VPS13C: variants seen among roughly 807,000 people sequenced by gnomAD.
VPS13C encodes the protein intermembrane lipid transfer protein VPS13C.
In VPS13C, 358 loss-of-function variants were observed where a neutral mutation model predicts 456.8. That is an observed-to-expected ratio of 0.78 (90% CI 0.72 to 0.86). The LOEUF is 0.86. Among genes scored for constraint, VPS13C ranks in the 40% least tolerant of loss-of-function variants. The probability of loss-of-function intolerance (pLI) is 0.00; values close to 1 mark genes in which losing one functional copy is unlikely to be tolerated. For missense variants in VPS13C, 4,818 were observed against 4,385.4 expected (o/e 1.10, Z -2.79); for synonymous variants, 1,578 against 1,486.7 (o/e 1.06, Z -1.41).
At chr15:61,986,731 A>T (rs1462551796) in intron 18 of VPS13C, among the ~76,000 whole-genome samples, 2 of 152,146 alleles carry the variant, frequency 1.3e-5, no homozygotes, top group African/African-American at 4.8e-5. Flanking sequence ...TCTTAAAAAT[A>T]GAAAAATGAG....
chr15:61,924,818 C>CA (rs1255258392), intron 53 of VPS13C, among the ~76,000 whole-genome samples: 4 of 151,914 alleles, frequency 2.6e-5, no homozygotes, highest in Non-Finnish European at 5.9e-5. Flanking sequence ...ACCAATTAAC[C>CA]AAAAAAGGAC....
At position 61,961,702 on chromosome 15, in the gene VPS13C, A is replaced by T. The variant is rs1339216069; in HGVS notation, c.3795T>A (p.Asp1265Glu). The T allele has an allele frequency of 6.2e-7, 1 of 1,613,948 alleles. No homozygotes were observed. The highest frequency in any genetic ancestry group is 1.1e-5 in the South Asian group (1 of 91,070). ...SSISTNAVVVDLGLIRVHNQF... is the reference protein window; with the variant it reads ...SSISTNAVVVELGLIRVHNQF... ...GATTATGAACTCTGATTAACCCAAG[A>T]TCTACCACTACTGCATTGGTGGAAA... Residue 1265 changes from aspartate (D) to glutamate (E), a missense_variant, in exon 35 of 85, where the codon GAT (aspartate) becomes GAA (glutamate). Coordinates refer to ENST00000644861, the MANE Select transcript of VPS13C (RefSeq NM_020821.3).
At chr15:61,982,082 T>C (rs1682891698) in intron 21 of VPS13C, among the ~76,000 whole-genome samples, 1 of 152,188 alleles carries the variant, frequency 6.6e-6, no homozygotes, top group Non-Finnish European at 1.5e-5. Context: ...AGGAACTGGA[T>C]AAAATAGTTG....
At chr15:61,949,902 A>G (rs2044729358) in intron 41 of VPS13C, among the ~76,000 whole-genome samples, 1 of 152,214 alleles carries the variant, frequency 6.6e-6, no homozygotes, top group Admixed American at 6.5e-5. Flanking sequence ...GGCAGTTCCA[A>G]GCTGATTATG....
chr15:61,881,446 G>A (rs1895841185), intron 71 of VPS13C, 117 bp downstream of exon 71: 1 of 1,014,150 alleles, frequency 9.9e-7, no homozygotes, highest in Non-Finnish European at 1.4e-6. Context: ...TGAATTAATA[G>A]GTTCAGCTGG....
intron 64 of VPS13C, among the ~76,000 whole-genome samples, chr15:61,909,350 G>T (rs1211112169): frequency 6.6e-6 from 1 of 152,262 alleles, no homozygotes; most frequent in African/African-American, 2.4e-5. Flanking sequence ...TGGGATTACA[G>T]GCATGTGCCA....
chr15:61,930,742 A>C (rs1431929418), intron 50 of VPS13C, among the ~76,000 whole-genome samples: 1 of 152,242 alleles, frequency 6.6e-6, no homozygotes, highest in Non-Finnish European at 1.5e-5. Context: ...TGAAGGAAAA[A>C]TCCATAGCTT....
At chr15:61,900,517 A>T (rs1367553234) in intron 66 of VPS13C, among the ~76,000 whole-genome samples, 4 of 152,192 alleles carry the variant, frequency 2.6e-5, no homozygotes, top group African/African-American at 9.7e-5. Flanking sequence ...CAACTGATTC[A>T]AAGAGAATAA....
chr15:61,893,533 T>A (rs1448985042), intron 66 of VPS13C, among the ~76,000 whole-genome samples: 2 of 150,884 alleles, frequency 1.3e-5, no homozygotes, highest in African/African-American at 2.4e-5. Context: ...GAAAAAAAAA[T>A]TTGGAGGCAT....
chr15:62,020,499 G>T lies in VPS13C; in HGVS notation c.664C>A (p.Leu222Met). 1 of 1,611,586 alleles carries T rather than the reference G, an allele frequency of 6.2e-7. No homozygotes were observed. The highest frequency in any genetic ancestry group is 8.5e-7 in the Non-Finnish European group (1 of 1,178,506). Residue 222 changes from leucine to methionine, a missense_variant, in exon 9 of 85, where the codon CTG becomes ATG. Leu to Met is a conservative substitution (Grantham distance 15, BLOSUM62 2). This residue lies in a region of VPS13C where 4,552 missense variants were observed against 4,130.6 expected (regional missense o/e 1.10). Coordinates refer to ENST00000644861, the MANE Select transcript of VPS13C (RefSeq NM_020821.3). Reference sequence around the variant, plus strand: ...ATTACCAGTAGACTAAGCTCTCCCAGTGTGACACCAAATGAAAGAGGCCGC... The same window carrying T: ...ATTACCAGTAGACTAAGCTCTCCCATTGTGACACCAAATGAAAGAGGCCGC... ...PKRPLSFGVT[L>M]GELSLLTANE...
chr15:61,880,602 A>G lies in VPS13C; in HGVS notation c.10002+7T>C, dbSNP rs1004248883. On this transcript the variant is annotated splice_region_variant and intron_variant, in intron 73 of 84. Coordinates refer to ENST00000644861, the MANE Select transcript of VPS13C (RefSeq NM_020821.3). ...ACTAAATTTTCAAAATAATAATTACAACAAACCTTCACAGGAGAAATATGG... is the reference window on the plus strand; with the variant it reads ...ACTAAATTTTCAAAATAATAATTACGACAAACCTTCACAGGAGAAATATGG... The G allele has an allele frequency of 1.9e-6, 3 of 1,541,138 alleles. No individual in the cohort carries two copies. The highest frequency in any genetic ancestry group is 2.6e-6 in the Non-Finnish European group (3 of 1,137,438).
intron 1 of VPS13C, among the ~76,000 whole-genome samples, chr15:62,056,946 C>T (rs963649504): frequency 6.6e-6 from 1 of 152,190 alleles, no homozygotes; most frequent in Admixed American, 6.5e-5. Context: ...ACACTCTTTA[C>T]CCTGCCCCTT....
intron 30 of VPS13C, 93 bp downstream of exon 30, chr15:61,965,990 A>C (rs2045363732): frequency 1.2e-6 from 1 of 839,112 alleles, no homozygotes; most frequent in Non-Finnish European, 1.8e-6. Flanking sequence ...TTATGTCATC[A>C]AATTACCTAG....
At chr15:61,923,098 T>C (rs183610401) in intron 53 of VPS13C, among the ~76,000 whole-genome samples, 2 of 151,778 alleles carry the variant, frequency 1.3e-5, no homozygotes, top group African/African-American at 4.8e-5. Context: ...AATAGACAAG[T>C]ATAGCAATGT....
intron 50 of VPS13C, 83 bp downstream of exon 50, chr15:61,931,007 A>C: frequency 6.6e-7 from 1 of 1,506,414 alleles, no homozygotes; most frequent in Non-Finnish European, 9.1e-7. Flanking sequence ...TTTTTGGATG[A>C]TCCCTAGCCT....
intron 66 of VPS13C, among the ~76,000 whole-genome samples, chr15:61,893,926 T>C (rs1437052891): frequency 6.6e-6 from 1 of 151,822 alleles, no homozygotes; most frequent in African/African-American, 2.4e-5. Context: ...TGCAAAGCAA[T>C]GAACTAAAAA....
chr15:61,920,535 G>A lies in VPS13C; in HGVS notation c.7175C>T (p.Ser2392Phe). The change falls in exon 56 of 85, where the codon TCC becomes TTC. Residue 2392 changes from serine to phenylalanine, a missense_variant. Coordinates refer to ENST00000644861, the MANE Select transcript of VPS13C (RefSeq NM_020821.3). Reference sequence around the variant, plus strand: ...GTTGAAAACATTAAGACAACTTTTGGATATTGTTATATTCATTGTATTTCC... The same window carrying A: ...GTTGAAAACATTAAGACAACTTTTGAATATTGTTATATTCATTGTATTTCC... The part of the protein sequence containing the change: ...SSGNTMNITI[S>F]KSCLNVFNNL... 6.4e-7 allele frequency: 1 copy of A among 1,554,506 alleles called. No individual in the cohort carries two copies. Among genetic ancestry groups the A allele is most frequent in the Non-Finnish European group, 8.7e-7 (1 of 1,154,408 alleles).
chr15:62,019,538 C>T (rs2047380317), intron 9 of VPS13C, among the ~76,000 whole-genome samples: 3 of 151,992 alleles, frequency 2.0e-5, no homozygotes, highest in South Asian at 4.1e-4. Flanking sequence ...GCCTTCATTT[C>T]GTTATGCACC....
At chr15:61,922,370 T>C (rs776841939) in intron 54 of VPS13C, 27 bp downstream of exon 54, 1 of 1,583,696 alleles carries the variant, frequency 6.3e-7, no homozygotes, top group Non-Finnish European at 8.6e-7. Context: ...AAGAAGTCTC[T>C]GAAGGTATTA....
Sources: gnomAD v4.1 joint callset for allele counts (sites outside exome capture counted in the v4.1 genomes callset) on GRCh38, gnomAD v4.1.1 for gene constraint, gnomAD v4.1.1 regional missense constraint, MANE v1.5 for transcripts, NCBI Gene and HGNC (gene_info 2026-07-23, HGNC 2026-07-21) for gene names.